PLPP1: variants seen among roughly 807,000 people sequenced by gnomAD.
The protein encoded by PLPP1 is lipid phosphate phosphohydrolase 1a.
A neutral mutation model predicts 31.2 loss-of-function variants in PLPP1; 24 were observed. The observed-to-expected ratio is 0.77, with a 90% confidence interval of 0.56 to 1.08. PLPP1 has a LOEUF of 1.08. Ranked by LOEUF, PLPP1 falls within the 50% of genes least tolerant of loss-of-function variation. The pLI is 0.00. For synonymous variants in PLPP1, 146 were observed against 126.3 expected, an observed-to-expected ratio of 1.16 and a Z score of -1.05; for missense variants, 319 against 342.7, an observed-to-expected ratio of 0.93 and a Z score of 0.55.
intron 3 of PLPP1, among the ~76,000 whole-genome samples, chr5:55,458,916 A>T (rs1454360549): frequency 6.8e-6 from 1 of 146,330 alleles, no homozygotes; most frequent in East Asian, 2.0e-4. Context: ...AAAAAAAAAA[A>T]CACATAGCAA....
intron 1 of PLPP1, chr5:55,484,441 A>G (rs556581987): frequency 6.6e-6 from 1 of 152,306 alleles, no homozygotes; most frequent in African/African-American, 2.4e-5. Flanking sequence ...AACCCATATT[A>G]GATGGAAAGT....
At chr5:55,440,553 T>C (rs1751599269) in intron 4 of PLPP1, among the ~76,000 whole-genome samples, 2 of 152,346 alleles carry the variant, frequency 1.3e-5, no homozygotes, top group Admixed American at 6.5e-5. Context: ...CATTTGAGTG[T>C]GTGTCTTAAA....
intron 1 of PLPP1, among the ~76,000 whole-genome samples, chr5:55,502,703 G>A (rs1478114641): frequency 6.6e-6 from 1 of 152,044 alleles, no homozygotes; most frequent in Non-Finnish European, 1.5e-5. Context: ...TAAACTGACA[G>A]GTTGAGCATT....
intron 4 of PLPP1, among the ~76,000 whole-genome samples, chr5:55,438,343 C>T (rs1751543116): frequency 6.6e-6 from 1 of 152,208 alleles, no homozygotes; most frequent in African/African-American, 2.4e-5. Flanking sequence ...CTGACACTCT[C>T]TTGGCACAGT....
chr5:55,489,308 T>C (rs575171431), intron 1 of PLPP1, among the ~76,000 whole-genome samples: 59 of 152,278 alleles, frequency 3.9e-4, no homozygotes, highest in African/African-American at 1.3e-3. Context: ...CTGGCAACAG[T>C]TGCTCAGAAT....
At chr5:55,529,057 GTA>G (rs986018109) in intron 1 of PLPP1, among the ~76,000 whole-genome samples, 104 of 152,054 alleles carry the variant, frequency 6.8e-4, no homozygotes, top group African/African-American at 2.4e-3. Flanking sequence ...GTGTGTGTGT[GTA>G]AACTCAATTT....
chr5:55,458,887 C>CAAAAAAAAA lies in PLPP1; in HGVS notation c.491+8973_491+8981dup, dbSNP rs529067608. On this transcript the variant is annotated intron_variant, in intron 3 of 5. Transcript: ENST00000307259. ...TGGGCAACAGAGGAGACCCTGTCTC[C>CAAAAAAAAA]AAAAAAAAAAAAAAAAAAAAAAAAA... Among the ~76,000 whole-genome samples the CAAAAAAAAA allele has an allele frequency of 3.3e-3, 70 of 21,102 alleles. 3 individuals are homozygous for CAAAAAAAAA. Among genetic ancestry groups the CAAAAAAAAA allele is most frequent in the Non-Finnish European group, 4.3e-3 (30 of 6,918 alleles). The allele number at this position is 21,102 out of a possible 152,430, so 13.8% of individuals were successfully genotyped here.
At chr5:55,502,428 A>G (rs1219910222) in intron 1 of PLPP1, among the ~76,000 whole-genome samples, 1 of 151,926 alleles carries the variant, frequency 6.6e-6, no homozygotes, top group Non-Finnish European at 1.5e-5. Flanking sequence ...TGGAGGTTGC[A>G]GTGAGCCGAG....
rs113855964 is a variant in PLPP1 at position 55,517,641 on chromosome 5, C to T, written c.58+16931G>A. Among the ~76,000 whole-genome samples the T allele has an allele frequency of 5.9e-3, 892 of 152,328 alleles. 8 individuals are homozygous for T. The highest frequency in any genetic ancestry group is 0.021 in the African/African-American group (858 of 41,574). The stretch of plus-strand genomic sequence containing the variant: ...ACCAACCTAAAGAGCAAATTCCCTA[C>T]TTCAGGCAATGTAAATCACTATCAA... On this transcript the variant is annotated intron_variant, in intron 1 of 5. Coordinates refer to ENST00000307259, the MANE Select transcript of PLPP1 (RefSeq NM_003711.4).
chr5:55,433,177 T>A (rs1342077651), intron 4 of PLPP1, among the ~76,000 whole-genome samples: 3 of 149,442 alleles, frequency 2.0e-5, no homozygotes, highest in Non-Finnish European at 3.0e-5. Flanking sequence ...CAAAAAATTA[T>A]CCAGGATTGG....
chr5:55,457,769 G>T (rs540614806), intron 3 of PLPP1, among the ~76,000 whole-genome samples: 1 of 151,674 alleles, frequency 6.6e-6, no homozygotes, highest in East Asian at 1.9e-4. Flanking sequence ...GGCGCCTGTA[G>T]TCCCAGCTAC....
chr5:55,496,292 T>G (rs926058283), intron 1 of PLPP1, among the ~76,000 whole-genome samples: 1 of 152,218 alleles, frequency 6.6e-6, no homozygotes, highest in Admixed American at 6.5e-5. Flanking sequence ...CTAAAGAACA[T>G]AGATACTGTT....
intron 1 of PLPP1, chr5:55,508,763 T>C (rs1053032120): frequency 9.1e-5 from 14 of 154,284 alleles, no homozygotes; most frequent in African/African-American, 3.1e-4. Context: ...ACTAAGACAA[T>C]GAAGAGTCAT....
At chr5:55,472,744 A>G (rs1187648968) in intron 2 of PLPP1, among the ~76,000 whole-genome samples, 2 of 4,932 alleles carry the variant, frequency 4.1e-4, no homozygotes, top group Non-Finnish European at 2.5e-3. Flanking sequence ...GAGGAAGAGG[A>G]AGAAGAGGAA....
chr5:55,473,774 C>T (rs1395690168), intron 2 of PLPP1, among the ~76,000 whole-genome samples: 3 of 152,046 alleles, frequency 2.0e-5, no homozygotes, highest in Non-Finnish European at 4.4e-5. Flanking sequence ...CCTCCTGCTT[C>T]AGCCTTCTGA....
intron 1 of PLPP1, among the ~76,000 whole-genome samples, chr5:55,491,965 G>C (rs1752902518): frequency 1.1e-5 from 1 of 92,760 alleles, no homozygotes; most frequent in African/African-American, 3.3e-5. Flanking sequence ...AAAGCCTTTT[G>C]TTTTCCAAAG....
At chr5:55,443,270 T>C (rs967907111) in intron 3 of PLPP1, among the ~76,000 whole-genome samples, 2 of 147,756 alleles carry the variant, frequency 1.4e-5, no homozygotes, top group Non-Finnish European at 3.0e-5. Flanking sequence ...TGATTGTCTT[T>C]TTGTAATCAG....
rs140500179 is a variant in PLPP1, at chr5:55,530,568, T to C, written c.58+4004A>G. Reference sequence around the variant, plus strand: ...GATAGAAGAAACATCATATTCATCCTGATACTTCTTACAAGATTTGCAATG... The same window carrying C: ...GATAGAAGAAACATCATATTCATCCCGATACTTCTTACAAGATTTGCAATG... On this transcript the variant is annotated intron_variant, in intron 1 of 5. Coordinates refer to ENST00000307259, the MANE Select transcript of PLPP1 (RefSeq NM_003711.4). 33 of 1,289,926 alleles carry C rather than the reference T, an allele frequency of 2.6e-5. No individual in the cohort carries two copies. In the South Asian group the frequency reaches 3.8e-4, roughly 15 times the overall value. 79.9% of individuals were successfully genotyped at this position (1,289,926 alleles called of 1,614,324 possible).
At chr5:55,443,064 G>C (rs1751661165) in intron 3 of PLPP1, among the ~76,000 whole-genome samples, 1 of 151,150 alleles carries the variant, frequency 6.6e-6, no homozygotes, top group African/African-American at 2.4e-5. Flanking sequence ...AGGAATTTAA[G>C]GGAGACGTTG....
Sources: gnomAD v4.1 joint callset for allele counts (sites outside exome capture counted in the v4.1 genomes callset) on GRCh38, gnomAD v4.1.1 for gene constraint, MANE v1.5 for transcripts, NCBI Gene and HGNC (gene_info 2026-07-23, HGNC 2026-07-21) for gene names.